Variants in UGT1A9 observed in about 807,000 individuals in gnomAD.
The protein encoded by UGT1A9 is UDP glucuronosyltransferase family 1 member A9.
A neutral mutation model predicts 45.0 loss-of-function variants in UGT1A9; 35 were observed. The observed-to-expected ratio is 0.78, with a 90% CI of 0.59 to 1.03. The LOEUF is 1.03. UGT1A9 is among the 50% of genes least tolerant of loss of function. The pLI, the probability that UGT1A9 is intolerant of heterozygous loss-of-function variation, is 0.00. For synonymous variants in UGT1A9, 278 were observed against 250.6 expected (o/e 1.11, Z -1.03); for missense variants, 687 against 666.6 (o/e 1.03, Z -0.34).
At chr2:233,743,832 T>G (rs569722093) in intron 1 of UGT1A9, 26 of 1,367,252 alleles carry the variant, frequency 1.9e-5, no homozygotes, top group South Asian at 9.1e-5. Context: ...GGGTGCCACT[T>G]GAGCGCCAGC....
chr2:233,725,495 C>A (rs1341757937), intron 1 of UGT1A9, among the ~76,000 whole-genome samples: 1 of 151,610 alleles, frequency 6.6e-6, no homozygotes, highest in Non-Finnish European at 1.5e-5. Flanking sequence ...AAAAAGAAAC[C>A]ACTGAAATTA....
At chr2:233,681,274 C>A (rs2074517091) in intron 1 of UGT1A9, among the ~76,000 whole-genome samples, 1 of 151,956 alleles carries the variant, frequency 6.6e-6, no homozygotes, top group African/African-American at 2.4e-5. Context: ...TGGCTCACGC[C>A]TGTAATCCCA....
rs774848302 is a variant in UGT1A9 at position 233,672,506 on chromosome 2, C to T, written c.572C>T (p.Pro191Leu). The T allele has an allele frequency of 1.2e-6, 2 of 1,613,914 alleles. No homozygotes were observed. Among genetic ancestry groups the T allele is most frequent in the South Asian group, 2.2e-5 (2 of 91,070 alleles). The change falls in exon 1 of 5, where the codon CCC becomes CTC. Residue 191 changes from proline (P) to leucine (L), a missense_variant. Pro to Leu is a moderately conservative substitution (Grantham distance 98). Transcript: ENST00000354728. ...TGCCCTGCTCCTCTTTCCTATGTCC[C>T]CAGAATTCTCTTAGGGTTCTCAGAT... ...AQCPAPLSYV[P>L]RILLGFSDAM... is the part of the protein sequence containing the mutation.
At chr2:233,741,883 TAGA>T (rs1422759422) in intron 1 of UGT1A9, 4 of 151,920 alleles carry the variant, frequency 2.6e-5, no homozygotes, top group Admixed American at 2.0e-4. Context: ...GAGGTGACCC[TAGA>T]AGAAGGGACC....
At chr2:233,768,183 A>G (rs753962326) in intron 3 of UGT1A9, 37 bp from the exon 4 acceptor site, 1 of 1,614,004 alleles carries the variant, frequency 6.2e-7, no homozygotes, top group Non-Finnish European at 8.5e-7. Context: ...AAACTCAGAG[A>G]TGTAACTGCT....
At chr2:233,672,947 A>G (rs1442205815) in intron 1 of UGT1A9, among the ~76,000 whole-genome samples, 158 bp downstream of exon 1, 1 of 152,234 alleles carries the variant, frequency 6.6e-6, no homozygotes, top group Non-Finnish European at 1.5e-5. Flanking sequence ...ACTCGTCAGT[A>G]GCAAATTTTA....
At position 233,671,971 on chromosome 2, in the gene UGT1A9, T is replaced by G. The variant is rs199516931; in HGVS notation, c.37T>G (p.Cys13Gly). The G allele has an allele frequency of 4.3e-6, 7 of 1,613,872 alleles. No individual in the cohort carries two copies. The East Asian group carries it at 1.6e-4, about 36-fold the overall frequency. ...CTGWTSPLPL[C>G]VCLLLTCGFA... is the part of the protein sequence containing the mutation. ...AGGGTGGACCAGCCCCCTTCCTCTA[T>G]GTGTGTGTCTGCTGCTGACCTGTGG... The change falls in exon 1 of 5, where the codon TGT becomes GGT. Residue 13 changes from cysteine to glycine, a missense_variant. Cys to Gly is a radical substitution (Grantham distance 159, BLOSUM62 -3). Coordinates refer to ENST00000354728, the MANE Select transcript of UGT1A9 (RefSeq NM_021027.3).
chr2:233,706,240 T>C (rs2125603335), intron 1 of UGT1A9, among the ~76,000 whole-genome samples: 1 of 151,882 alleles, frequency 6.6e-6, no homozygotes, highest in East Asian at 1.9e-4. Context: ...GCTGGGAGAG[T>C]GAGAGAACCA....
intron 1 of UGT1A9, among the ~76,000 whole-genome samples, chr2:233,700,721 A>G (rs183855349): frequency 6.2e-4 from 94 of 152,090 alleles, no homozygotes; most frequent in African/African-American, 2.1e-3. Context: ...TCTTTTTTTA[A>G]AAATTTTATT....
chr2:233,743,601 C>T (rs201940151), intron 1 of UGT1A9: 28 of 1,367,176 alleles, frequency 2.0e-5, no homozygotes, highest in African/African-American at 4.5e-5. Context: ...GGGTCCTGGC[C>T]GCCGAAGAAC....
intron 1 of UGT1A9, among the ~76,000 whole-genome samples, chr2:233,697,477 C>G (rs966758556): frequency 6.7e-6 from 1 of 149,952 alleles, no homozygotes; most frequent in African/African-American, 2.4e-5. Flanking sequence ...CTTAGTCTAG[C>G]TCAAGGTTTG....
intron 1 of UGT1A9, among the ~76,000 whole-genome samples, chr2:233,688,680 A>G (rs1230576037): frequency 6.6e-6 from 1 of 152,200 alleles, no homozygotes; most frequent in Non-Finnish European, 1.5e-5. Flanking sequence ...TTTTTAAAAA[A>G]TTTAATATTA....
chr2:233,744,868 A>T (rs938828765), intron 1 of UGT1A9, among the ~76,000 whole-genome samples: 1 of 151,858 alleles, frequency 6.6e-6, no homozygotes, highest in African/African-American at 2.4e-5. Flanking sequence ...TTCTGAAGGG[A>T]TTAGTTTAGG....
intron 1 of UGT1A9, among the ~76,000 whole-genome samples, chr2:233,703,347 G>A (rs1484527518): frequency 6.6e-6 from 1 of 151,270 alleles, no homozygotes; most frequent in Admixed American, 6.6e-5. Flanking sequence ...TTTTTTCTTT[G>A]TTAATCTAAC....
chr2:233,686,301 G>T (rs1224924441), intron 1 of UGT1A9, among the ~76,000 whole-genome samples: 1 of 151,580 alleles, frequency 6.6e-6, no homozygotes, highest in African/African-American at 2.4e-5. Context: ...AGAAAAACAA[G>T]AGATAAATCT....
At chr2:233,770,624 C>T (rs544443196) in intron 4 of UGT1A9, 1 of 151,460 alleles carries the variant, frequency 6.6e-6, no homozygotes, top group African/African-American at 2.4e-5. Flanking sequence ...TGCCACTCCA[C>T]TCCAGCCTGG....
intron 1 of UGT1A9, among the ~76,000 whole-genome samples, chr2:233,728,297 G>C (rs1288771373): frequency 6.6e-6 from 1 of 152,214 alleles, no homozygotes; most frequent in Non-Finnish European, 1.5e-5. Context: ...GAGGAATTCA[G>C]ACTGTGCAAG....
intron 1 of UGT1A9, among the ~76,000 whole-genome samples, chr2:233,696,065 A>C (rs189342937): frequency 1.3e-5 from 2 of 152,234 alleles, no homozygotes; most frequent in African/African-American, 4.8e-5. Flanking sequence ...TAGTACAGCC[A>C]CTATGAAGAA....
At chr2:233,753,025 C>CA in intron 1 of UGT1A9, among the ~76,000 whole-genome samples, 1 of 152,200 alleles carries the variant, frequency 6.6e-6, no homozygotes, top group East Asian at 1.9e-4. Context: ...ATTTACAACA[C>CA]AAAAAACTAC....
Sources: gnomAD v4.1 joint callset for allele counts (sites outside exome capture counted in the v4.1 genomes callset) on GRCh38, gnomAD v4.1.1 for gene constraint, MANE v1.5 for transcripts, NCBI Gene and HGNC (gene_info 2026-07-23, HGNC 2026-07-21) for gene names.